ARHGAP20: variants seen among roughly 807,000 people sequenced by gnomAD.
ARHGAP20 encodes Rho GTPase activating protein 20, also known as rho GTPase-activating protein 20.
In ARHGAP20, 34 loss-of-function variants were observed where a neutral mutation model predicts 73.7. That is an observed-to-expected ratio of 0.46 (90% confidence interval 0.35 to 0.61). The LOEUF (loss-of-function observed/expected upper bound fraction) is 0.61, where lower values mean the gene tolerates loss of function less well. ARHGAP20 is among the 20% of genes least tolerant of loss of function. The pLI is 0.00. For synonymous variants in ARHGAP20, 523 were observed against 518.2 expected, an observed-to-expected ratio of 1.01 and a Z score of -0.13; for missense variants, 1,314 against 1,420.9, an observed-to-expected ratio of 0.92 and a Z score of 1.21.
At chr11:110,622,997 C>T (rs749895325) in intron 4 of ARHGAP20, among the ~76,000 whole-genome samples, 4 of 151,636 alleles carry the variant, frequency 2.6e-5, no homozygotes, top group African/African-American at 4.9e-5. Context: ...CATACCCTCA[C>T]TTAAAATTAC....
At chr11:110,649,569 T>G (rs1251404343) in intron 2 of ARHGAP20, among the ~76,000 whole-genome samples, 1 of 151,948 alleles carries the variant, frequency 6.6e-6, no homozygotes, top group African/African-American at 2.4e-5. Context: ...AACGAGGCGG[T>G]GAGCTGGGAA....
At chr11:110,620,906 T>C (rs1342963460) in intron 4 of ARHGAP20, among the ~76,000 whole-genome samples, 1 of 151,730 alleles carries the variant, frequency 6.6e-6, no homozygotes, top group Admixed American at 6.6e-5. Context: ...ACCCAGTTTC[T>C]ACTAAAAATA....
At chr11:110,700,549 G>C (rs1341414354) in intron 1 of ARHGAP20, among the ~76,000 whole-genome samples, 1 of 151,338 alleles carries the variant, frequency 6.6e-6, no homozygotes, top group African/African-American at 2.4e-5. Flanking sequence ...GGCTCTGTAA[G>C]GGAAAAAGAT....
At chr11:110,639,280 T>C (rs1949032618) in intron 2 of ARHGAP20, among the ~76,000 whole-genome samples, 2 of 151,388 alleles carry the variant, frequency 1.3e-5, no homozygotes, top group Admixed American at 6.6e-5. Flanking sequence ...TGATTTTGAA[T>C]GTCCAGTTAG....
chr11:110,681,502 A>G (rs1950035705), intron 2 of ARHGAP20, among the ~76,000 whole-genome samples: 1 of 152,186 alleles, frequency 6.6e-6, no homozygotes, highest in East Asian at 1.9e-4. Context: ...TGTCACAGGT[A>G]AAGGCAGTTT....
At position 110,712,172 on chromosome 11, in the gene ARHGAP20, G is replaced by C; in HGVS notation, c.60C>G (p.Ser20=). ...TLGGQPGRSS[S]LTGVSRLAGG... is the part of the protein sequence containing the mutation. The stretch of plus-strand genomic sequence containing the variant: ...CCGCGAGCCGAGACACTCCTGTCAG[G>C]GAAGAGGAGCGCCCCGGCTGTCCCC... The change falls in exon 1 of 15, where the codon TCC becomes TCG. Residue 20 remains serine, a synonymous_variant. Transcript: ENST00000683387. 2.9e-6 allele frequency: 4 copies of C among 1,370,300 alleles called. No homozygotes were observed. The highest frequency in any genetic ancestry group is 3.8e-6 in the Non-Finnish European group (4 of 1,056,052). The allele number at this position is 1,370,300 out of a possible 1,614,324, so 84.9% of individuals were successfully genotyped here.
At chr11:110,618,511 T>G (rs956485875) in intron 4 of ARHGAP20, among the ~76,000 whole-genome samples, 4 of 152,262 alleles carry the variant, frequency 2.6e-5, no homozygotes, top group Non-Finnish European at 4.4e-5. Context: ...GAAATCAAGG[T>G]GCAGCACCTA....
At chr11:110,587,898 T>G (rs1260307416) in intron 11 of ARHGAP20, among the ~76,000 whole-genome samples, 1 of 152,222 alleles carries the variant, frequency 6.6e-6, no homozygotes, top group African/African-American at 2.4e-5. Flanking sequence ...TACCTCTTTT[T>G]GGGTAAAGTG....
intron 1 of ARHGAP20, among the ~76,000 whole-genome samples, chr11:110,694,356 T>C (rs1013600400): frequency 5.3e-5 from 8 of 151,764 alleles, no homozygotes; most frequent in Non-Finnish European, 1.0e-4. Context: ...GTACAAGTAA[T>C]TGCTGTTTTT....
chr11:110,679,114 C>T (rs1387447577), intron 2 of ARHGAP20, among the ~76,000 whole-genome samples: 1 of 152,178 alleles, frequency 6.6e-6, no homozygotes, highest in Middle Eastern at 3.2e-3. Flanking sequence ...GTGGGAGGGT[C>T]TGCTTCCAAG....
Position 110,590,778 on chromosome 11 carries a change from G to T in ARHGAP20, c.1175C>A (p.Pro392His). 3.7e-6 allele frequency: 6 copies of T among 1,613,476 alleles called. No individual in the cohort carries two copies. The highest frequency in any genetic ancestry group is 5.1e-6 in the Non-Finnish European group (6 of 1,179,848). ...TTGCCTGAAGATACCTTTGGTGAGA[G>T]GTCCTTTTTGATTAAGAAAGAAAAG... is the stretch of plus-strand genomic sequence containing the variant. ...DMLFFLNQKG[P>H]LTKGIFRQSA... The change falls in exon 11 of 15, where the codon CCT (proline) becomes CAT (histidine). Residue 392 changes from proline to histidine, a missense_variant. By Grantham distance (77) the Pro-to-His change is moderately conservative (BLOSUM62 -2). Transcript: ENST00000683387.
intron 14 of ARHGAP20, among the ~76,000 whole-genome samples, chr11:110,582,050 A>AAAACATCAT (rs966358780): frequency 6.6e-6 from 1 of 152,164 alleles, no homozygotes; most frequent in African/African-American, 2.4e-5. Context: ...AGCCCATCAA[A>AAAACATCAT]AAACATCATA....
chr11:110,642,714 T>C (rs961279025), intron 2 of ARHGAP20, among the ~76,000 whole-genome samples: 2 of 152,134 alleles, frequency 1.3e-5, no homozygotes, highest in African/African-American at 4.8e-5. Flanking sequence ...TTTTTGTGTC[T>C]ATGTTCCTCA....
chr11:110,674,014 C>T (rs1326277986), intron 2 of ARHGAP20, among the ~76,000 whole-genome samples: 1 of 151,786 alleles, frequency 6.6e-6, no homozygotes, highest in Non-Finnish European at 1.5e-5. Context: ...TCTCAGCTCA[C>T]TGCAACTTCT....
At chr11:110,691,022 T>C in intron 1 of ARHGAP20, 2 of 1,512,906 alleles carry the variant, frequency 1.3e-6, no homozygotes, top group Non-Finnish European at 1.8e-6. Context: ...ACTATCTTTA[T>C]TTCACAGGCA....
rs1001867680 is a variant in ARHGAP20, at chr11:110,578,086, G to A, written c.*1284C>T. The stretch of plus-strand genomic sequence containing the variant: ...GCCATCCCTGCATACTAGTTGGCAA[G>A]GCCTGATAATCTATTCCTAGGTGAC... On this transcript the variant is annotated 3_prime_UTR_variant, in exon 15 of 15. Coordinates refer to ENST00000683387, the MANE Select transcript of ARHGAP20 (RefSeq NM_001384657.1). 4.1e-6 allele frequency: 4 copies of A among 985,408 alleles called. No homozygotes were observed. The highest frequency in any genetic ancestry group is 4.8e-6 in the Non-Finnish European group (4 of 829,940). The allele number at this position is 985,408 out of a possible 1,614,324, so 61.0% of individuals were successfully genotyped here.
At chr11:110,658,502 C>G (rs1371474972) in intron 2 of ARHGAP20, among the ~76,000 whole-genome samples, 1 of 152,126 alleles carries the variant, frequency 6.6e-6, no homozygotes, top group Non-Finnish European at 1.5e-5. Context: ...GAAAGACCTT[C>G]CTACTAGAAA....
chr11:110,703,438 T>C (rs1489546362), intron 1 of ARHGAP20, among the ~76,000 whole-genome samples: 2 of 152,008 alleles, frequency 1.3e-5, no homozygotes, highest in African/African-American at 2.4e-5. Flanking sequence ...ATGGACACAA[T>C]ACCTGCCCTA....
At chr11:110,600,865 G>C (rs1948093368) in intron 9 of ARHGAP20, among the ~76,000 whole-genome samples, 1 of 152,196 alleles carries the variant, frequency 6.6e-6, no homozygotes, top group Non-Finnish European at 1.5e-5. Flanking sequence ...GGGGCCTTCT[G>C]AAAGATGTAT....
Sources: allele counts gnomAD v4.1 joint callset (sites outside exome capture counted in the v4.1 genomes callset), GRCh38; gene constraint gnomAD v4.1.1; transcripts MANE v1.5; gene names NCBI Gene and HGNC (gene_info 2026-07-23, HGNC 2026-07-21).